Variants in ADAMTSL1 observed in about 807,000 individuals in gnomAD.
The protein encoded by ADAMTSL1 is ADAMTS-like protein 1.
In ADAMTSL1, 126 loss-of-function variants were observed where a neutral mutation model predicts 201.8. The ratio of observed to expected loss-of-function variants is 0.62; its 90% CI spans 0.54 to 0.72. ADAMTSL1 has a LOEUF of 0.72. Ranked by LOEUF, ADAMTSL1 falls within the 30% of genes least tolerant of loss-of-function variation. The pLI is 0.00. For missense variants in ADAMTSL1, 2,679 were observed against 2,277.8 expected (o/e 1.18, Z -3.59); for synonymous variants, 1,121 against 903.4 (o/e 1.24, Z -4.32).
At chr9:18,520,514 A>G (rs975986966) in intron 2 of ADAMTSL1, among the ~76,000 whole-genome samples, 4 of 152,248 alleles carry the variant, frequency 2.6e-5, no homozygotes, top group African/African-American at 7.2e-5. Flanking sequence ...TTCACAAGTT[A>G]CAGCACCATT....
intron 2 of ADAMTSL1, among the ~76,000 whole-genome samples, chr9:18,415,349 T>G (rs1382219574): frequency 1.3e-5 from 2 of 152,162 alleles, no homozygotes; most frequent in Non-Finnish European, 2.9e-5. Flanking sequence ...ACATAGAAGA[T>G]GTATTTTTAA....
intron 21 of ADAMTSL1, among the ~76,000 whole-genome samples, chr9:18,821,506 C>T (rs1303312797): frequency 2.0e-5 from 3 of 152,216 alleles, no homozygotes; most frequent in African/African-American, 7.2e-5. Context: ...CCTTTAGTCA[C>T]ATGGCCACGC....
At chr9:18,701,770 C>T (rs924519041) in intron 13 of ADAMTSL1, among the ~76,000 whole-genome samples, 12 of 152,088 alleles carry the variant, frequency 7.9e-5, no homozygotes, top group African/African-American at 2.7e-4. Flanking sequence ...CTAGTGATAG[C>T]ATCAAAATAA....
In ADAMTSL1 at chr9:18,777,082, G is replaced by C; in HGVS notation, c.2853G>C (p.Pro951=). The change falls in exon 19 of 29, where the codon CCG becomes CCC. Residue 951 remains proline, a synonymous_variant. Transcript: ENST00000380548. ...GCGTCTACACCTGCTCAGCGGGCCC[G>C]GCCCGGGAGCACTTTGTGATTAAGC... The part of the protein sequence containing the change: ...DAGVYTCSAG[P]AREHFVIKLI... 1 of 1,613,276 alleles carries C rather than the reference G, an allele frequency of 6.2e-7. No individual in the cohort carries two copies.
At chr9:18,206,710 T>C (rs568010977) in intron 2 of ADAMTSL1, among the ~76,000 whole-genome samples, 21 of 152,310 alleles carry the variant, frequency 1.4e-4, no homozygotes, top group South Asian at 1.2e-3. Flanking sequence ...TCTTTGAGAA[T>C]ATGAATTCCT....
intron 1 of ADAMTSL1, among the ~76,000 whole-genome samples, chr9:17,936,301 T>C (rs1489008254): frequency 6.6e-6 from 1 of 152,150 alleles, no homozygotes; most frequent in Non-Finnish European, 1.5e-5. Flanking sequence ...ATCACTGTAG[T>C]CCATTTTTAA....
chr9:18,419,383 T>A (rs1036370195), intron 2 of ADAMTSL1, among the ~76,000 whole-genome samples: 1 of 139,396 alleles, frequency 7.2e-6, no homozygotes, highest in African/African-American at 2.5e-5. Context: ...TTAATTGAAC[T>A]ATTTTTTTCT....
chr9:17,991,377 A>G (rs1819143119), intron 1 of ADAMTSL1, among the ~76,000 whole-genome samples: 1 of 152,268 alleles, frequency 6.6e-6, no homozygotes, highest in African/African-American at 2.4e-5. Context: ...GATTATATGT[A>G]GACAGGTGGG....
rs1311015887 is a variant in ADAMTSL1, at chr9:18,776,991, C to G, written c.2762C>G (p.Ser921Trp). ...AAGGACGGCCAGCACCTCATCAGCT[C>G]GACGCACGTCACGGTGGCCCCCTTC... is the stretch of plus-strand genomic sequence containing the variant. The part of the protein sequence containing the change: ...WEKDGQHLIS[S>W]THVTVAPFGY... Residue 921 changes from serine (S) to tryptophan (W), a missense_variant, in exon 19 of 29, where the codon TCG (serine) becomes TGG (tryptophan). Physicochemically the swap from Ser to Trp is radical, Grantham distance 177. Coordinates refer to ENST00000380548, the MANE Select transcript of ADAMTSL1 (RefSeq NM_001040272.6). 1 of 1,600,084 alleles carries G rather than the reference C, an allele frequency of 6.2e-7. No homozygotes were observed. Among genetic ancestry groups the G allele is most frequent in the East Asian group, 2.2e-5 (1 of 44,618 alleles).
chr9:18,622,494 A>T, intron 5 of ADAMTSL1, 125 bp downstream of exon 5: 3 of 1,402,324 alleles, frequency 2.1e-6, no homozygotes, highest in Non-Finnish European at 2.9e-6. Flanking sequence ...CTGAAAATGT[A>T]GAAGGCTTCA....
chr9:18,191,731 T>G (rs1306245487), intron 2 of ADAMTSL1, among the ~76,000 whole-genome samples: 1 of 152,154 alleles, frequency 6.6e-6, no homozygotes, highest in African/African-American at 2.4e-5. Flanking sequence ...TGCAAATAAT[T>G]GTGGTAACTG....
At chr9:18,531,385 A>C (rs1819434079) in intron 2 of ADAMTSL1, among the ~76,000 whole-genome samples, 1 of 152,192 alleles carries the variant, frequency 6.6e-6, no homozygotes, top group African/African-American at 2.4e-5. Flanking sequence ...AGTCTTGTCA[A>C]TGGGACATGC....
At chr9:18,665,777 T>C (rs1161964295) in intron 9 of ADAMTSL1, among the ~76,000 whole-genome samples, 1 of 152,142 alleles carries the variant, frequency 6.6e-6, no homozygotes, top group Non-Finnish European at 1.5e-5. Context: ...TTCTTGAGGC[T>C]GAAGAGATTG....
chr9:18,055,893 G>A (rs551471237), intron 1 of ADAMTSL1, among the ~76,000 whole-genome samples: 1 of 152,204 alleles, frequency 6.6e-6, no homozygotes, highest in South Asian at 2.1e-4. Flanking sequence ...AGGCCAATCA[G>A]CTATTAACTA....
At chr9:18,195,239 G>A (rs114798954) in intron 2 of ADAMTSL1, among the ~76,000 whole-genome samples, 2,379 of 152,204 alleles carry the variant, frequency 0.016, 65 homozygotes, top group African/African-American at 0.053. Flanking sequence ...CTACCCTTGC[G>A]CAGCCTGTGT....
chr9:18,252,069 G>A lies in ADAMTSL1; in HGVS notation c.207+88088G>A, dbSNP rs1215919416. ...ACCAAGATACTAAAAGAAAAAAAATGAACCATGTAACTTTTTAAATTGGAT... is the reference window on the plus strand; with the variant it reads ...ACCAAGATACTAAAAGAAAAAAAATAAACCATGTAACTTTTTAAATTGGAT... On this transcript the variant is annotated intron_variant, in intron 2 of 29. Transcript: ENST00000680146. Among the ~76,000 whole-genome samples the A allele has an allele frequency of 2.0e-5, 3 of 151,802 alleles. No homozygotes were observed. The East Asian group carries it at 5.8e-4, about 29-fold the overall frequency.
At chr9:18,259,769 G>A (rs554965089) in intron 2 of ADAMTSL1, among the ~76,000 whole-genome samples, 2 of 152,242 alleles carry the variant, frequency 1.3e-5, no homozygotes, top group South Asian at 4.1e-4. Flanking sequence ...AAGGTAATAG[G>A]TGACGTGCTT....
At chr9:18,156,890 G>C (rs937645997) in intron 1 of ADAMTSL1, among the ~76,000 whole-genome samples, 2 of 152,042 alleles carry the variant, frequency 1.3e-5, no homozygotes, top group African/African-American at 4.8e-5. Flanking sequence ...AAAGGAATGG[G>C]GTATAATATG....
At chr9:18,670,909 A>G (rs1441144445) in intron 9 of ADAMTSL1, among the ~76,000 whole-genome samples, 1 of 151,784 alleles carries the variant, frequency 6.6e-6, no homozygotes, top group African/African-American at 2.4e-5. Flanking sequence ...AGATGCTCAA[A>G]TGCCTTCCAT....
Sources: gnomAD v4.1 joint callset for allele counts (sites outside exome capture counted in the v4.1 genomes callset) on GRCh38, gnomAD v4.1.1 for gene constraint, MANE v1.5 for transcripts, NCBI Gene and HGNC (gene_info 2026-07-23, HGNC 2026-07-21) for gene names.